PTCHD4: variants seen among roughly 807,000 people sequenced by gnomAD.
PTCHD4 encodes the protein patched domain-containing protein 4.
A neutral mutation model predicts 58.1 loss-of-function variants in PTCHD4; 33 were observed. The observed-to-expected ratio is 0.57, with a 90% CI of 0.43 to 0.76. The LOEUF (loss-of-function observed/expected upper bound fraction) is 0.76, where lower values mean the gene tolerates loss of function less well. PTCHD4 is among the 30% of genes least tolerant of loss of function. The pLI, the probability that PTCHD4 is intolerant of heterozygous loss-of-function variation, is 0.00. For synonymous variants in PTCHD4, 478 were observed against 409.6 expected (o/e 1.17, Z -2.02); for missense variants, 1,058 against 1,027.1 (o/e 1.03, Z -0.41).
chr6:48,033,390 C>T (rs1292602814), intron 3 of PTCHD4, among the ~76,000 whole-genome samples: 1 of 151,758 alleles, frequency 6.6e-6, no homozygotes, highest in Non-Finnish European at 1.5e-5. Context: ...GCTCTTTCAT[C>T]CCTAACTGTT....
chr6:47,998,507 A>G (rs1260752875), intron 4 of PTCHD4, among the ~76,000 whole-genome samples: 1 of 152,226 alleles, frequency 6.6e-6, no homozygotes, highest in Non-Finnish European at 1.5e-5. Context: ...GTTATGTAAC[A>G]GTACTCTTTC....
intron 4 of PTCHD4, 151 bp downstream of exon 4, chr6:48,008,483 G>A (rs921787928): frequency 4.6e-6 from 4 of 864,002 alleles, no homozygotes; most frequent in South Asian, 1.9e-5. Flanking sequence ...GCCCAATAAG[G>A]TGAAACAGAC....
intron 1 of PTCHD4, among the ~76,000 whole-genome samples, chr6:48,107,400 G>T (rs1420253237): frequency 6.6e-6 from 1 of 152,236 alleles, no homozygotes; most frequent in Admixed American, 6.5e-5. Flanking sequence ...CTAGCCATAT[G>T]TAGAAAGCTG....
At chr6:48,052,195 T>C (rs1764258287) in intron 3 of PTCHD4, among the ~76,000 whole-genome samples, 1 of 152,060 alleles carries the variant, frequency 6.6e-6, no homozygotes, top group Non-Finnish European at 1.5e-5. Context: ...GGTGCATTAA[T>C]TTCTTGAACT....
At chr6:47,936,755 A>T (rs1338357598) in intron 4 of PTCHD4, among the ~76,000 whole-genome samples, 1 of 152,246 alleles carries the variant, frequency 6.6e-6, no homozygotes, top group Non-Finnish European at 1.5e-5. Context: ...TACAGTTTAC[A>T]TTCTAATACA....
intron 4 of PTCHD4, among the ~76,000 whole-genome samples, chr6:47,963,736 G>T (rs775715684): frequency 3.9e-5 from 6 of 152,236 alleles, no homozygotes; most frequent in Non-Finnish European, 7.4e-5. Flanking sequence ...CCACTTTATT[G>T]CCAAAAAAAC....
At position 47,863,727 on chromosome 6, in the gene PTCHD4, G is replaced by A. The variant is rs114082615; in HGVS notation, c.*14576C>T. ...TTCTAGTTAAACCAGTCTATAACAG[G>A]ACTTCTCTGAAAATGACACATTCTT... On this transcript the variant is annotated 3_prime_UTR_variant, in exon 5 of 5. Coordinates refer to ENST00000339488, the MANE Select transcript of PTCHD4 (RefSeq NM_001384253.1). Among the ~76,000 whole-genome samples, 1,190 of 152,008 alleles carry A rather than the reference G, an allele frequency of 7.8e-3. 6 individuals carry two copies. Among genetic ancestry groups the A allele is most frequent in the Middle Eastern group, 0.014 (4 of 294 alleles).
intron 1 of PTCHD4, among the ~76,000 whole-genome samples, chr6:48,086,237 G>C (rs9473228): frequency 0.17 from 25,766 of 152,102 alleles, 2,343 homozygotes; most frequent in African/African-American, 0.24. Flanking sequence ...CCTAATAAAA[G>C]TTTAATTATG....
At chr6:48,038,566 G>A (rs555183412) in intron 3 of PTCHD4, among the ~76,000 whole-genome samples, 13 of 151,436 alleles carry the variant, frequency 8.6e-5, no homozygotes, top group Non-Finnish European at 1.8e-4. Context: ...CTTGAACCCG[G>A]GAGACAGAGG....
chr6:47,974,006 G>C (rs942422345), intron 4 of PTCHD4, among the ~76,000 whole-genome samples: 3 of 152,140 alleles, frequency 2.0e-5, no homozygotes, highest in Admixed American at 2.0e-4. Flanking sequence ...CCCAGAGAAA[G>C]GCAATTTTGA....
intron 3 of PTCHD4, among the ~76,000 whole-genome samples, chr6:48,025,324 C>T (rs747996288): frequency 2.0e-5 from 3 of 152,146 alleles, no homozygotes; most frequent in Non-Finnish European, 4.4e-5. Context: ...TACACAGAGA[C>T]GTTGCTCCCA....
intron 4 of PTCHD4, among the ~76,000 whole-genome samples, chr6:47,990,382 T>C (rs1175317242): frequency 6.6e-6 from 1 of 152,128 alleles, no homozygotes; most frequent in Non-Finnish European, 1.5e-5. Flanking sequence ...GGCAGAATGA[T>C]ATGGTTTGGT....
rs1461338381 is a variant in PTCHD4 at position 47,964,353 on chromosome 6, A to T, written c.898+44281T>A. On this transcript the variant is annotated intron_variant, in intron 4 of 4. Transcript: ENST00000339488. ...TTTTTAAAGGAAGTTGCATTGAGGCACTAAGAACTCTACATCTGTTGCAGC... is the reference window on the plus strand; with the variant it reads ...TTTTTAAAGGAAGTTGCATTGAGGCTCTAAGAACTCTACATCTGTTGCAGC... 2.6e-5 allele frequency among the ~76,000 whole-genome samples: 4 copies of T among 152,284 alleles called. No individual in the cohort carries two copies. In the East Asian group the frequency reaches 7.7e-4, roughly 29 times the overall value.
At chr6:48,092,033 T>C (rs1294258405) in intron 1 of PTCHD4, among the ~76,000 whole-genome samples, 1 of 151,460 alleles carries the variant, frequency 6.6e-6, no homozygotes, top group African/African-American at 2.4e-5. Context: ...ACACACACAA[T>C]AAAGACCTAG....
At chr6:48,075,784 C>T (rs1215649853) in intron 1 of PTCHD4, among the ~76,000 whole-genome samples, 3 of 152,124 alleles carry the variant, frequency 2.0e-5, no homozygotes, top group Non-Finnish European at 2.9e-5. Context: ...TGCTAATGGT[C>T]ATTTAATATT....
chr6:47,979,010 TA>T (rs998399327), intron 4 of PTCHD4, among the ~76,000 whole-genome samples: 9 of 152,048 alleles, frequency 5.9e-5, no homozygotes, highest in East Asian at 1.9e-4. Context: ...TTCATAGACA[TA>T]AAAAAAACTC....
At chr6:48,055,310 G>T (rs1197902064) in intron 3 of PTCHD4, among the ~76,000 whole-genome samples, 1 of 152,124 alleles carries the variant, frequency 6.6e-6, no homozygotes, top group East Asian at 1.9e-4. Flanking sequence ...GTTAAAGATG[G>T]GAAATAAATT....
At chr6:48,095,465 T>G (rs1461883946) in intron 1 of PTCHD4, among the ~76,000 whole-genome samples, 1 of 152,058 alleles carries the variant, frequency 6.6e-6, no homozygotes, top group African/African-American at 2.4e-5. Context: ...GGGCGGATCT[T>G]GAGGTCAGGA....
chr6:48,078,295 C>T (rs146766507), intron 1 of PTCHD4, among the ~76,000 whole-genome samples: 102 of 152,264 alleles, frequency 6.7e-4, no homozygotes, highest in African/African-American at 2.4e-3. Context: ...AACAGAGAGC[C>T]ATTGAAGATT....
Sources: gnomAD v4.1 joint callset for allele counts (sites outside exome capture counted in the v4.1 genomes callset) on GRCh38, gnomAD v4.1.1 for gene constraint, MANE v1.5 for transcripts, NCBI Gene and HGNC (gene_info 2026-07-23, HGNC 2026-07-21) for gene names.